Variants in WWOX observed in about 807,000 individuals in gnomAD.
The protein encoded by WWOX is WW domain-containing oxidoreductase.
Under a neutral mutation model 46.2 loss-of-function variants are expected in WWOX, and 69 were observed. The observed-to-expected ratio is 1.49, with a 90% CI of 1.23 to 1.82. The LOEUF (loss-of-function observed/expected upper bound fraction) is 1.82, where lower values mean the gene tolerates loss of function less well. Ranked by LOEUF, WWOX falls within the 40% of genes most tolerant of loss-of-function variation. WWOX has a pLI of 0.00. For synonymous variants in WWOX, 359 were observed against 202.6 expected (o/e 1.77, Z -6.56); for missense variants, 919 against 542.6 (o/e 1.69, Z -6.89).
At chr16:78,818,762 T>C (rs1025887466) in intron 8 of WWOX, among the ~76,000 whole-genome samples, 7 of 152,208 alleles carry the variant, frequency 4.6e-5, no homozygotes, top group Non-Finnish European at 8.8e-5. Context: ...TCATTAACTA[T>C]TCGGGGCCTT....
At chr16:78,312,378 A>ATT (rs1390839902) in intron 5 of WWOX, among the ~76,000 whole-genome samples, 3 of 77,678 alleles carry the variant, frequency 3.9e-5, no homozygotes, top group Non-Finnish European at 7.5e-5. Context: ...TGTAGGTCTA[A>ATT]TTCTTTTTTT....
Position 78,786,585 on chromosome 16 carries a change from T to C in WWOX, c.1056+353833T>C, listed in dbSNP as rs118083840. Among the ~76,000 whole-genome samples, 70 of 152,338 alleles carry C rather than the reference T, an allele frequency of 4.6e-4. 1 individual carries two copies. In the East Asian group the frequency reaches 0.011, roughly 25 times the overall value. ...TTCATACACTTTCCAATAAGCCCAT[T>C]TGAAGTGTAACATTCAACTTTTTTT... On this transcript the variant is annotated intron_variant, in intron 8 of 8. Coordinates refer to ENST00000566780, the MANE Select transcript of WWOX (RefSeq NM_016373.4).
intron 8 of WWOX, among the ~76,000 whole-genome samples, chr16:78,722,205 G>A (rs532907818): frequency 2.0e-4 from 31 of 152,262 alleles, no homozygotes; most frequent in African/African-American, 7.0e-4. Flanking sequence ...CACGATGACC[G>A]CAGCTCCTGT....
chr16:78,887,632 A>T (rs1356042699), intron 8 of WWOX, among the ~76,000 whole-genome samples: 1 of 152,164 alleles, frequency 6.6e-6, no homozygotes, highest in Non-Finnish European at 1.5e-5. Context: ...GTAAGTACAA[A>T]AGGGTCAGAT....
chr16:78,499,169 C>T (rs967925326), intron 8 of WWOX, among the ~76,000 whole-genome samples: 6 of 151,774 alleles, frequency 4.0e-5, no homozygotes, highest in South Asian at 2.1e-4. Flanking sequence ...GGTGATAGTG[C>T]GTATCTAACA....
intron 8 of WWOX, among the ~76,000 whole-genome samples, chr16:78,574,990 AT>A (rs1410913161): frequency 1.3e-5 from 1 of 78,582 alleles, no homozygotes; most frequent in Admixed American, 1.9e-4. Flanking sequence ...TTCAATATTT[AT>A]TTTTCAATTA....
chr16:79,135,706 A>G (rs1041987096), intron 8 of WWOX, among the ~76,000 whole-genome samples: 52 of 152,332 alleles, frequency 3.4e-4, no homozygotes, highest in African/African-American at 1.2e-3. Flanking sequence ...TGTGTAACAC[A>G]CAGATGCTGA....
At chr16:78,331,628 T>C (rs1044688554) in intron 5 of WWOX, among the ~76,000 whole-genome samples, 1 of 151,122 alleles carries the variant, frequency 6.6e-6, no homozygotes. Context: ...ATCCTCCCTA[T>C]CCTTGCTTAT....
intron 6 of WWOX, among the ~76,000 whole-genome samples, chr16:78,399,847 A>G (rs1432339582): frequency 6.6e-6 from 1 of 152,242 alleles, no homozygotes; most frequent in Non-Finnish European, 1.5e-5. Context: ...TCACATTTTA[A>G]TAACATGGGA....
At chr16:78,767,412 G>A (rs1281359054) in intron 8 of WWOX, among the ~76,000 whole-genome samples, 1 of 151,954 alleles carries the variant, frequency 6.6e-6, no homozygotes, top group African/African-American at 2.4e-5. Context: ...TGAGATGACT[G>A]CGCCACCACA....
chr16:78,844,238 A>G (rs2052238291), intron 8 of WWOX, among the ~76,000 whole-genome samples: 3 of 152,176 alleles, frequency 2.0e-5, no homozygotes, highest in Admixed American at 6.5e-5. Flanking sequence ...TCTTAGCCCA[A>G]GAGAGGCCCT....
chr16:78,825,256 C>G (rs947609188), intron 8 of WWOX: 1 of 248,818 alleles, frequency 4.0e-6, no homozygotes, highest in Non-Finnish European at 8.1e-6. Flanking sequence ...AATCTGCTTT[C>G]CTTTTGATGG....
chr16:78,642,417 C>A (rs1050596687), intron 8 of WWOX, among the ~76,000 whole-genome samples: 1 of 152,180 alleles, frequency 6.6e-6, no homozygotes, highest in African/African-American at 2.4e-5. Context: ...TTGCTTCTTT[C>A]TCTTTGGGCT....
intron 8 of WWOX, among the ~76,000 whole-genome samples, chr16:78,642,780 C>G (rs139263795): frequency 1.3e-5 from 2 of 152,146 alleles, no homozygotes; most frequent in Admixed American, 6.5e-5. Context: ...GGGCGTGAGG[C>G]ACACTCATGA....
rs181258432 is a variant in WWOX at position 79,179,286 on chromosome 16, G to A, written c.1057-32322G>A. On this transcript the variant is annotated intron_variant, in intron 8 of 8. Transcript: ENST00000566780. ...AGGGTGGTGAATGAACATAAAAACCGATTACAACATTTTTCCATTTTTATG... is the reference window on the plus strand; with the variant it reads ...AGGGTGGTGAATGAACATAAAAACCAATTACAACATTTTTCCATTTTTATG... Among the ~76,000 whole-genome samples, 341 of 152,276 alleles carry A rather than the reference G, an allele frequency of 2.2e-3. 1 individual carries two copies. The highest frequency in any genetic ancestry group is 3.8e-3 in the Non-Finnish European group (259 of 68,018).
chr16:79,200,551 G>C (rs1370068408), intron 8 of WWOX, among the ~76,000 whole-genome samples: 1 of 152,078 alleles, frequency 6.6e-6, no homozygotes, highest in Non-Finnish European at 1.5e-5. Context: ...GGGGAGTGAG[G>C]ATATTGTGCG....
At chr16:78,864,680 T>G (rs1201360855) in intron 8 of WWOX, among the ~76,000 whole-genome samples, 2 of 150,674 alleles carry the variant, frequency 1.3e-5, no homozygotes, top group Non-Finnish European at 3.0e-5. Context: ...TAGCACAGGG[T>G]CTGACACATC....
intron 8 of WWOX, among the ~76,000 whole-genome samples, chr16:78,948,282 G>T (rs375416839): frequency 2.0e-5 from 3 of 152,166 alleles, no homozygotes; most frequent in Admixed American, 2.0e-4. Context: ...TGTTGTCACT[G>T]TTTGGGACCC....
At chr16:78,178,556 G>C (rs920791707) in intron 5 of WWOX, among the ~76,000 whole-genome samples, 1 of 152,138 alleles carries the variant, frequency 6.6e-6, no homozygotes, top group African/African-American at 2.4e-5. Flanking sequence ...CCCGGAATTC[G>C]CATAGTGACA....
Sources: allele counts gnomAD v4.1 joint callset (sites outside exome capture counted in the v4.1 genomes callset), GRCh38; gene constraint gnomAD v4.1.1; transcripts MANE v1.5; gene names NCBI Gene and HGNC (gene_info 2026-07-23, HGNC 2026-07-21).